Variants in GLIS3 observed in about 807,000 individuals in gnomAD.
GLIS3 encodes the protein zinc finger protein GLIS3.
A neutral mutation model predicts 78.6 loss-of-function variants in GLIS3; 53 were observed. The observed-to-expected ratio is 0.67, with a 90% CI of 0.54 to 0.85. The LOEUF is 0.85. GLIS3 is among the 40% of genes least tolerant of loss of function. The pLI, the probability that GLIS3 is intolerant of heterozygous loss-of-function variation, is 0.00. For synonymous variants in GLIS3, 684 were observed against 509.9 expected (o/e 1.34, Z -4.60); for missense variants, 1,703 against 1,231.1 (o/e 1.38, Z -5.74).
At chr9:3,954,679 A>G (rs1024436591) in intron 4 of GLIS3, among the ~76,000 whole-genome samples, 3 of 152,186 alleles carry the variant, frequency 2.0e-5, no homozygotes, top group Non-Finnish European at 2.9e-5. Flanking sequence ...GCTTTTTCCA[A>G]TTAGGCCCTG....
intron 5 of GLIS3, among the ~76,000 whole-genome samples, chr9:3,936,432 A>G (rs866093413): frequency 1.3e-5 from 2 of 152,348 alleles, no homozygotes; most frequent in South Asian, 4.1e-4. Flanking sequence ...GTCAAAGAAT[A>G]TGTGGCTGCT....
chr9:4,467,798 G>C, the GLIS3 span, among the ~76,000 whole-genome samples: 3 of 151,614 alleles, frequency 2.0e-5, no homozygotes, highest in Admixed American at 6.6e-5. Flanking sequence ...CTGACGAGTT[G>C]AGAGAAGAAG....
At chr9:4,226,727 T>C (rs1750548485) in intron 2 of GLIS3, among the ~76,000 whole-genome samples, 1 of 152,230 alleles carries the variant, frequency 6.6e-6, no homozygotes, top group African/African-American at 2.4e-5. Flanking sequence ...TTAATTCTCC[T>C]GAATCTTGGT....
intron 4 of GLIS3, among the ~76,000 whole-genome samples, chr9:3,997,673 G>C (rs190161119): frequency 4.0e-4 from 60 of 151,506 alleles, no homozygotes; most frequent in Middle Eastern, 6.8e-3. Context: ...ATCTCTGCAG[G>C]AATAAAAAAA....
At chr9:3,901,474 A>G (rs1033663535) in intron 6 of GLIS3, among the ~76,000 whole-genome samples, 4 of 152,232 alleles carry the variant, frequency 2.6e-5, no homozygotes, top group Admixed American at 6.5e-5. Context: ...GGCTTTTTCC[A>G]TCTAAAGAGC....
intron 2 of GLIS3, among the ~76,000 whole-genome samples, chr9:4,336,432 C>G (rs746158502): frequency 6.6e-6 from 1 of 152,186 alleles, no homozygotes; most frequent in Non-Finnish European, 1.5e-5. Flanking sequence ...GGTCAGGGAC[C>G]TGGATCCCTT....
chr9:4,172,520 G>C (rs972188894), intron 2 of GLIS3, among the ~76,000 whole-genome samples: 24 of 152,068 alleles, frequency 1.6e-4, no homozygotes, highest in African/African-American at 5.8e-4. Context: ...TAGGGTATTT[G>C]GCACTTTCAG....
At chr9:4,040,236 A>G (rs1420008312) in intron 4 of GLIS3, among the ~76,000 whole-genome samples, 1 of 152,090 alleles carries the variant, frequency 6.6e-6, no homozygotes, top group East Asian at 1.9e-4. Flanking sequence ...GCAAACTTCA[A>G]AGCATTTTAA....
At chr9:4,421,115 A>C in the GLIS3 span, among the ~76,000 whole-genome samples, 1 of 152,220 alleles carries the variant, frequency 6.6e-6, no homozygotes, top group Non-Finnish European at 1.5e-5. Flanking sequence ...ACTGTCAGTG[A>C]CTGCTGACTT....
intron 2 of GLIS3, among the ~76,000 whole-genome samples, chr9:4,321,236 C>T (rs1248967423): frequency 2.4e-4 from 34 of 140,880 alleles, no homozygotes; most frequent in Non-Finnish European, 3.5e-4. Flanking sequence ...CTGGCTAACA[C>T]GGTGAAACCC....
chr9:3,918,676 T>C (rs1338301548), intron 6 of GLIS3, among the ~76,000 whole-genome samples: 1 of 152,188 alleles, frequency 6.6e-6, no homozygotes, highest in Non-Finnish European at 1.5e-5. Flanking sequence ...GTGTGTAACC[T>C]AGGGTAAAAT....
chr9:3,850,531 G>C (rs954050893), intron 9 of GLIS3, among the ~76,000 whole-genome samples: 1 of 152,184 alleles, frequency 6.6e-6, no homozygotes, highest in African/African-American at 2.4e-5. Flanking sequence ...TCTTTAATAA[G>C]TCACTGTTGT....
At chr9:4,162,350 G>T (rs1285094508) in intron 2 of GLIS3, among the ~76,000 whole-genome samples, 1 of 152,158 alleles carries the variant, frequency 6.6e-6, no homozygotes, top group East Asian at 1.9e-4. Flanking sequence ...GTTCCAGGTG[G>T]GCATTAATTT....
chr9:3,879,305 A>C (rs1292531754), intron 8 of GLIS3, 122 bp downstream of exon 8: 1 of 902,136 alleles, frequency 1.1e-6, no homozygotes, highest in Non-Finnish European at 1.9e-6. Context: ...TTAAAATGTC[A>C]CCTTTGGGTA....
intron 2 of GLIS3, among the ~76,000 whole-genome samples, chr9:4,230,505 A>C (rs1171685053): frequency 6.6e-6 from 1 of 152,164 alleles, no homozygotes; most frequent in Non-Finnish European, 1.5e-5. Context: ...TGGAGGACCT[A>C]TTATTTGGGG....
At chr9:4,153,334 C>T (rs538129016) in intron 2 of GLIS3, among the ~76,000 whole-genome samples, 11 of 152,212 alleles carry the variant, frequency 7.2e-5, no homozygotes, top group East Asian at 1.9e-4. Context: ...GAGGCTGAGG[C>T]GGGCAGATCA....
At chr9:4,463,551 T>C in the GLIS3 span, among the ~76,000 whole-genome samples, 2 of 152,176 alleles carry the variant, frequency 1.3e-5, no homozygotes, top group African/African-American at 2.4e-5. Context: ...TTAGATTAAT[T>C]TATACTAAGG....
chr9:4,478,273 A>C, the GLIS3 span, among the ~76,000 whole-genome samples: 1 of 152,174 alleles, frequency 6.6e-6, no homozygotes, highest in Non-Finnish European at 1.5e-5. Context: ...ACATAAATCT[A>C]TCCAAAACAC....
rs927031472 is a variant in GLIS3 at position 3,824,887 on chromosome 9, A to G, written c.*3385T>C. 1 of 142,088 alleles carries G rather than the reference A, an allele frequency of 7.0e-6. No individual in the cohort carries two copies. Among genetic ancestry groups the G allele is most frequent in the Non-Finnish European group, 1.5e-5 (1 of 65,008 alleles). The allele number at this position is 142,088 out of a possible 1,614,324, so 8.8% of individuals were successfully genotyped here. A position where few individuals can be genotyped will look rare whatever the true frequency, so the allele number is the denominator to read the frequency against. On this transcript the variant is annotated 3_prime_UTR_variant, in exon 11 of 11. Coordinates refer to ENST00000381971, the MANE Select transcript of GLIS3 (RefSeq NM_001042413.2). ...TCTTTTTACACTCACTATTTCTCCA[A>G]TGAGTGCTTTTTTTTTTTTGCTTCA...
Sources: allele counts gnomAD v4.1 joint callset (sites outside exome capture counted in the v4.1 genomes callset), GRCh38; gene constraint gnomAD v4.1.1; transcripts MANE v1.5; gene names NCBI Gene and HGNC (gene_info 2026-07-23, HGNC 2026-07-21).